The following GNAT3 variants were observed in gnomAD, a reference collection of about 807,000 sequenced individuals.
GNAT3 encodes the protein guanine nucleotide-binding protein G(t) subunit alpha-3.
In GNAT3, 31 loss-of-function variants were observed where a neutral mutation model predicts 37.7. The observed-to-expected ratio is 0.82, with a 90% CI of 0.62 to 1.11. GNAT3 has a LOEUF of 1.11. Among genes scored for constraint, GNAT3 ranks in the 50% most tolerant of loss-of-function variants. The pLI, the probability that GNAT3 is intolerant of heterozygous loss-of-function variation, is 0.00. For missense variants in GNAT3, 437 were observed against 412.5 expected (o/e 1.06, Z -0.51); for synonymous variants, 138 against 139.8 (o/e 0.99, Z 0.09).
intron 1 of GNAT3, among the ~76,000 whole-genome samples, chr7:80,500,062 C>A (rs942791500): frequency 1.3e-5 from 2 of 152,084 alleles, no homozygotes; most frequent in African/African-American, 2.4e-5. Context: ...CTGAACCATA[C>A]CCCATGTAAG....
At position 80,494,637 on chromosome 7, in the gene GNAT3, T is replaced by C; in HGVS notation, c.129A>G (p.Glu43=). 1 of 1,526,648 alleles carries C rather than the reference T, an allele frequency of 6.6e-7. No individual in the cohort carries two copies. The highest frequency in any genetic ancestry group is 9.0e-7 in the Non-Finnish European group (1 of 1,114,172). The allele number at this position is 1,526,648 out of a possible 1,614,324, so 94.6% of individuals were successfully genotyped here. The change falls in exon 2 of 8, where the codon GAA becomes GAG. Residue 43 remains glutamate (E), a synonymous_variant. Coordinates refer to ENST00000398291, the MANE Select transcript of GNAT3 (RefSeq NM_001102386.3). ...TVKLLLLGAG[E]SGKSTIVKQM... ...GTTTAACAATAGTACTTTTCCCAGA[T>C]TCTCCTGCTCCTGCAACATAAAAAG...
chr7:80,492,125 T>C (rs542967693), intron 2 of GNAT3, among the ~76,000 whole-genome samples: 95 of 150,534 alleles, frequency 6.3e-4, no homozygotes, highest in African/African-American at 2.1e-3. Flanking sequence ...AGGTCAGGAG[T>C]TCGAGACCAG....
At chr7:80,509,210 T>C (rs550398257) in intron 1 of GNAT3, among the ~76,000 whole-genome samples, 9 of 152,228 alleles carry the variant, frequency 5.9e-5, no homozygotes, top group Non-Finnish European at 8.8e-5. Flanking sequence ...TTCGAGAATT[T>C]GAATTCAATC....
At chr7:80,471,016 G>A (rs1790205170) in intron 5 of GNAT3, among the ~76,000 whole-genome samples, 1 of 150,318 alleles carries the variant, frequency 6.7e-6, no homozygotes, top group Non-Finnish European at 1.5e-5. Context: ...AAGCTAATCG[G>A]CTGCCAGCAC....
At chr7:80,498,991 A>T (rs1405602720) in intron 1 of GNAT3, among the ~76,000 whole-genome samples, 2 of 152,200 alleles carry the variant, frequency 1.3e-5, no homozygotes, top group South Asian at 2.1e-4. Flanking sequence ...TCAATTGAAC[A>T]CACACAAGGC....
chr7:80,463,091 C>G (rs1014322683), intron 5 of GNAT3, among the ~76,000 whole-genome samples: 1 of 152,112 alleles, frequency 6.6e-6, no homozygotes, highest in African/African-American at 2.4e-5. Flanking sequence ...ATGTACTAGA[C>G]ACTGTGCTAG....
intron 5 of GNAT3, among the ~76,000 whole-genome samples, chr7:80,470,811 T>C (rs1363927301): frequency 6.6e-6 from 1 of 152,068 alleles, no homozygotes; most frequent in African/African-American, 2.4e-5. Flanking sequence ...TATTTTAAAA[T>C]TAATATTTTA....
chr7:80,473,011 G>C (rs1305432437), intron 5 of GNAT3, among the ~76,000 whole-genome samples: 1 of 152,108 alleles, frequency 6.6e-6, no homozygotes, highest in African/African-American at 2.4e-5. Flanking sequence ...GGCGTGGGAG[G>C]GGCAGAGGGG....
chr7:80,510,273 T>C (rs915196904), intron 1 of GNAT3, among the ~76,000 whole-genome samples: 3 of 152,150 alleles, frequency 2.0e-5, no homozygotes, highest in Admixed American at 6.6e-5. Flanking sequence ...GTTTTTGTCT[T>C]AGTCTAAATT....
At chr7:80,484,801 C>T (rs1475665105) in intron 3 of GNAT3, among the ~76,000 whole-genome samples, 2 of 151,938 alleles carry the variant, frequency 1.3e-5, no homozygotes, top group East Asian at 1.9e-4. Context: ...AGAACAATCC[C>T]GATTTAGCTG....
rs200582403 is a variant in GNAT3, at chr7:80,498,525, ATTT to A, written c.119-3881_119-3879del. Among the ~76,000 whole-genome samples the A allele has an allele frequency of 2.0e-5, 3 of 152,256 alleles. No individual in the cohort carries two copies. The East Asian group carries it at 5.8e-4, about 29-fold the overall frequency. On this transcript the variant is annotated intron_variant, in intron 1 of 7. Transcript: ENST00000398291. The stretch of plus-strand genomic sequence containing the variant: ...GAAAAGCCTATCTACTTAAAATCTC[ATTT>A]ATTATTTGGAACTCTATTGCAAAGT...
chr7:80,469,814 C>T (rs1790180056), intron 5 of GNAT3, among the ~76,000 whole-genome samples: 1 of 152,188 alleles, frequency 6.6e-6, no homozygotes, highest in Middle Eastern at 3.4e-3. Flanking sequence ...ATTGTACACT[C>T]TAAAACCCTG....
intron 1 of GNAT3, among the ~76,000 whole-genome samples, chr7:80,509,002 C>T (rs1283524877): frequency 3.3e-5 from 5 of 152,004 alleles, no homozygotes; most frequent in African/African-American, 1.2e-4. Flanking sequence ...TTCCATGTGA[C>T]ATGTACTCAC....
At chr7:80,499,140 A>G (rs1379121221) in intron 1 of GNAT3, among the ~76,000 whole-genome samples, 1 of 152,144 alleles carries the variant, frequency 6.6e-6, no homozygotes, top group Admixed American at 6.6e-5. Context: ...AACCTTAGAA[A>G]TCAACCAGCT....
chr7:80,499,929 C>T (rs538970690), intron 1 of GNAT3, among the ~76,000 whole-genome samples: 13 of 152,132 alleles, frequency 8.5e-5, no homozygotes, highest in African/African-American at 3.1e-4. Flanking sequence ...ATATAGTGAG[C>T]TTTAAGTATT....
chr7:80,490,955 C>T (rs1458915441), intron 2 of GNAT3, among the ~76,000 whole-genome samples: 1 of 152,052 alleles, frequency 6.6e-6, no homozygotes, highest in Admixed American at 6.6e-5. Context: ...ATGAAGACAT[C>T]GGCAAGAACT....
At chr7:80,474,133 C>T (rs184517026) in intron 5 of GNAT3, 118 bp downstream of exon 5, 25 of 922,404 alleles carry the variant, frequency 2.7e-5, no homozygotes, top group Non-Finnish European at 3.3e-6. Flanking sequence ...TAAACTAGAG[C>T]TAGTGAGTAC....
At chr7:80,484,766 A>G (rs1790449265) in intron 3 of GNAT3, among the ~76,000 whole-genome samples, 1 of 152,032 alleles carries the variant, frequency 6.6e-6, no homozygotes, top group Admixed American at 6.6e-5. Flanking sequence ...TTCTAAGCCT[A>G]TCAAATACTA....
At position 80,511,856 on chromosome 7, in the gene GNAT3, T is replaced by G. The variant is rs1791071630; in HGVS notation, c.71A>C (p.Gln24Pro). ...TCTTGCATCTCGCTCAGCATCCTCC[T>G]GAAGCTTTTTCTCCAGTTCTTTTGA... The part of the protein sequence containing the change: ...KRSKELEKKL[Q>P]EDAERDARTV... Residue 24 changes from glutamine to proline, a missense_variant, in exon 1 of 8, where the codon CAG (glutamine) becomes CCG (proline). Gln to Pro is a moderately conservative substitution (Grantham distance 76). Coordinates refer to ENST00000398291, the MANE Select transcript of GNAT3 (RefSeq NM_001102386.3). The G allele has an allele frequency of 1.2e-6, 2 of 1,612,286 alleles. No homozygotes were observed. Among genetic ancestry groups the G allele is most frequent in the African/African-American group, 2.7e-5 (2 of 74,894 alleles).
Sources: allele counts gnomAD v4.1 joint callset (sites outside exome capture counted in the v4.1 genomes callset), GRCh38; gene constraint gnomAD v4.1.1; transcripts MANE v1.5; gene names NCBI Gene and HGNC (gene_info 2026-07-23, HGNC 2026-07-21).